The following IBTK variants were observed in gnomAD, a reference collection of about 807,000 sequenced individuals.
The protein encoded by IBTK is inhibitor of Bruton tyrosine kinase, also known as BTK-binding protein.
IBTK carries 83 observed loss-of-function variants against 154.9 expected under a neutral mutation model. The observed-to-expected ratio is 0.54, with a 90% confidence interval of 0.45 to 0.64. The LOEUF (loss-of-function observed/expected upper bound fraction) is 0.64. IBTK is among the 30% of genes least tolerant of loss of function. IBTK has a pLI of 0.00. For synonymous variants in IBTK, 515 were observed against 536.1 expected, an observed-to-expected ratio of 0.96 and a Z score of 0.54; for missense variants, 1,332 against 1,584.6, an observed-to-expected ratio of 0.84 and a Z score of 2.71.
Position 82,240,290 on chromosome 6 carries a change from C to A in IBTK, c.197G>T (p.Gly66Val). Residue 66 changes from glycine to valine, a missense_variant, in exon 2 of 29, where the codon GGA becomes GTA. Gly to Val is a moderately radical substitution (Grantham distance 109). Around this residue, in one of 3 missense-constraint regions of IBTK, gnomAD observed 84 missense variants for 96.2 expected, o/e 0.87. Transcript: ENST00000306270. ...TTTCTGAATAAGCCAATCTAACACT[C>A]CTTTCTTTCCACAGGAGGAAACAAG... ...LHLVSSCGKK[G>V]VLDWLIQKGV... is the part of the protein sequence containing the mutation. 2 of 1,614,230 alleles carry A rather than the reference C, an allele frequency of 1.2e-6. No homozygotes were observed. The highest frequency in any genetic ancestry group is 1.1e-5 in the South Asian group (1 of 91,090).
At position 82,224,077 on chromosome 6, in the gene IBTK, C is replaced by T; in HGVS notation, c.934G>A (p.Gly312Arg). ...EAVYTMGLNG[G>R]QLGCLLDPNG... is the part of the protein sequence containing the mutation. ...ATTAAGGATTTCTTACCCAGTTGTC[C>T]ACCATTTAGTCCCATAGTGTAAACA... The change falls in exon 7 of 29, where the codon GGA becomes AGA. Residue 312 changes from glycine to arginine, a missense_variant. Coordinates refer to ENST00000306270, the MANE Select transcript of IBTK (RefSeq NM_015525.4). 1 of 1,562,312 alleles carries T rather than the reference C, an allele frequency of 6.4e-7. No individual in the cohort carries two copies. The highest frequency in any genetic ancestry group is 8.8e-7 in the Non-Finnish European group (1 of 1,141,110).
Position 82,214,707 on chromosome 6 carries a change from AAG to A in IBTK, c.1722_1723del (p.Phe575ProfsTer4). 1 of 1,614,098 alleles carries A rather than the reference AAG, an allele frequency of 6.2e-7. No homozygotes were observed. The highest frequency in any genetic ancestry group is 8.5e-7 in the Non-Finnish European group (1 of 1,179,996). On this transcript the variant is annotated frameshift_variant, in exon 12 of 29. Transcript: ENST00000306270. LOFTEE classifies it high-confidence loss of function. The stretch of plus-strand genomic sequence containing the variant: ...TGCCAAAATATATTTATGTGCAGGG[AAG>A]AGTCTATTGCCAACTTGAAATGTCA...
At chr6:82,238,073 G>T (rs1388793776) in intron 2 of IBTK, among the ~76,000 whole-genome samples, 1 of 151,798 alleles carries the variant, frequency 6.6e-6, no homozygotes, top group Non-Finnish European at 1.5e-5. Context: ...GGGAAACCCC[G>T]TCTCTACTAA....
At chr6:82,194,343 G>A (rs894241637) in intron 23 of IBTK, 136 bp downstream of exon 23, 5 of 697,832 alleles carry the variant, frequency 7.2e-6, no homozygotes, top group African/African-American at 5.6e-5. Context: ...GCAATTTGTA[G>A]GTATTTAGGC....
At chr6:82,246,441 C>CTCTTTTTTTTTTTTTTTTTT (rs780889890) in intron 1 of IBTK, among the ~76,000 whole-genome samples, 4 of 111,678 alleles carry the variant, frequency 3.6e-5, no homozygotes, top group African/African-American at 1.0e-4. Context: ...TTACAGGCAT[C>CTCTTTTTTTTTTTTTTTTTT]TTTTTTTTTT....
In IBTK at chr6:82,187,827, G is replaced by GGAAAT. The variant is rs1768609389; in HGVS notation, c.3575+3245_3575+3246insATTTC. 4.6e-5 allele frequency among the ~76,000 whole-genome samples: 7 copies of GGAAAT among 152,200 alleles called. No individual in the cohort carries two copies. In the South Asian group the frequency reaches 1.5e-3, roughly 32 times the overall value. The stretch of plus-strand genomic sequence containing the variant: ...CATATTACTACATCTCCTTTACTCT[G>GGAAAT]GCAGAAGGAAAATTTGATTCAAAGT... On this transcript the variant is annotated intron_variant, in intron 25 of 28. Coordinates refer to ENST00000306270, the MANE Select transcript of IBTK (RefSeq NM_015525.4).
chr6:82,194,269 T>C (rs1405413747), intron 23 of IBTK, among the ~76,000 whole-genome samples: 1 of 152,162 alleles, frequency 6.6e-6, no homozygotes, highest in African/African-American at 2.4e-5. Context: ...TCACTGATGA[T>C]AATACAAAGG....
chr6:82,194,518 T>C lies in IBTK; in HGVS notation c.3299A>G (p.Asp1100Gly), dbSNP rs767705517. 10 of 1,603,458 alleles carry C rather than the reference T, an allele frequency of 6.2e-6. No homozygotes were observed. The highest frequency in any genetic ancestry group is 7.7e-6 in the Non-Finnish European group (9 of 1,174,588). Residue 1100 changes from aspartate to glycine, a missense_variant, in exon 23 of 29, where the codon GAT (aspartate) becomes GGT (glycine). Physicochemically the swap from Asp to Gly is moderately conservative, Grantham distance 94. Transcript: ENST00000306270. ...AACCCAACTGGCAGAGCTGGTAGTATCAATTCTGTTACTGGGAATAGGCTG... is the reference window on the plus strand; with the variant it reads ...AACCCAACTGGCAGAGCTGGTAGTACCAATTCTGTTACTGGGAATAGGCTG... ...APQPIPSNRIDTTSSASWVAG... is the reference protein window; with the variant it reads ...APQPIPSNRIGTTSSASWVAG...
rs1209587045 is a variant in IBTK at position 82,218,056 on chromosome 6, C to T, written c.1330G>A (p.Ala444Thr). 1.2e-6 allele frequency: 2 copies of T among 1,612,016 alleles called. No individual in the cohort carries two copies. The highest frequency in any genetic ancestry group is 1.7e-6 in the Non-Finnish European group (2 of 1,178,828). ...AATAGAATTTCATTTCTATTTAAAG[C>T]AATATCAGAAATGAAGACCTGACGT... ...YPRQVFISDI[A>T]LNRNEILFVT... Residue 444 changes from alanine (A) to threonine (T), a missense_variant, in exon 10 of 29, where the codon GCT becomes ACT. Coordinates refer to ENST00000306270, the MANE Select transcript of IBTK (RefSeq NM_015525.4).
chr6:82,190,434 G>A (rs866656943), intron 25 of IBTK, among the ~76,000 whole-genome samples: 1 of 152,098 alleles, frequency 6.6e-6, no homozygotes, highest in Non-Finnish European at 1.5e-5. Context: ...GATATTTTAA[G>A]TTACAAGAAA....
chr6:82,196,036 G>A (rs1768973263), intron 22 of IBTK, among the ~76,000 whole-genome samples: 1 of 152,026 alleles, frequency 6.6e-6, no homozygotes, highest in Admixed American at 6.6e-5. Flanking sequence ...CATGTCTATA[G>A]TGTTATTATA....
At chr6:82,172,320 A>T (rs1767950342) in intron 28 of IBTK, 60 bp downstream of exon 28, 1 of 1,525,914 alleles carries the variant, frequency 6.6e-7, no homozygotes, top group Admixed American at 2.0e-5. Flanking sequence ...GATTTTCTTA[A>T]AACCTAAGTA....
At chr6:82,182,061 T>C in intron 25 of IBTK, 33 bp from the exon 26 acceptor site, 2 of 1,574,998 alleles carry the variant, frequency 1.3e-6, no homozygotes, top group Middle Eastern at 1.7e-4. Context: ...TGTTAAAACA[T>C]CCATTTTGTA....
chr6:82,201,529 A>ACAGT, intron 18 of IBTK, 47 bp from the exon 19 acceptor site: 5 of 1,334,134 alleles, frequency 3.7e-6, no homozygotes, highest in Non-Finnish European at 5.3e-6. Context: ...AAGTGACTTG[A>ACAGT]TAACTGTCAA....
chr6:82,245,525 C>A (rs977302324), intron 1 of IBTK, among the ~76,000 whole-genome samples: 2 of 152,112 alleles, frequency 1.3e-5, no homozygotes, highest in East Asian at 3.9e-4. Flanking sequence ...CAACTGCACT[C>A]CAGCCTGAGC....
chr6:82,200,456 C>A, intron 20 of IBTK, 131 bp downstream of exon 20: 1 of 906,568 alleles, frequency 1.1e-6, no homozygotes. Flanking sequence ...TTTCTTATGT[C>A]AGAATTTCTC....
chr6:82,240,665 T>A lies in IBTK; in HGVS notation c.-179A>T. 1.9e-6 allele frequency: 1 copy of A among 528,890 alleles called. No homozygotes were observed. The highest frequency in any genetic ancestry group is 3.2e-6 in the Non-Finnish European group (1 of 308,352). The allele number at this position is 528,890 out of a possible 1,614,324, so 32.8% of individuals were successfully genotyped here. A position where few individuals can be genotyped will look rare whatever the true frequency, so the allele number is the denominator to read the frequency against. ...ATATCTTTATACAATTTTTTGGCAC[T>A]TAAATCAAAAAAATTATAAATAGCT... On this transcript the variant is annotated 5_prime_UTR_variant, in exon 2 of 29. The change creates a new upstream start codon in the 5' untranslated region. Transcript: ENST00000306270.
Position 82,235,129 on chromosome 6 carries a change from G to T in IBTK, c.322-874C>A, listed in dbSNP as rs549397039. Among the ~76,000 whole-genome samples the T allele has an allele frequency of 6.6e-5, 10 of 152,196 alleles. No individual in the cohort carries two copies. In the South Asian group the frequency reaches 1.5e-3, roughly 22 times the overall value. Reference sequence around the variant, plus strand: ...CCGCCTCAGCCTCCCAAAGTGCTGGGATTACAGGTGTGAGCCACCGTTCCC... The same window carrying T: ...CCGCCTCAGCCTCCCAAAGTGCTGGTATTACAGGTGTGAGCCACCGTTCCC... On this transcript the variant is annotated intron_variant, in intron 2 of 28. Transcript: ENST00000306270.
chr6:82,237,693 T>C (rs144682147), intron 2 of IBTK, among the ~76,000 whole-genome samples: 108 of 149,810 alleles, frequency 7.2e-4, no homozygotes, highest in African/African-American at 2.3e-3. Context: ...GTAGTAGTAG[T>C]AGCAGTAATA....
Sources: allele counts gnomAD v4.1 joint callset (sites outside exome capture counted in the v4.1 genomes callset), GRCh38; gene constraint gnomAD v4.1.1; regional missense constraint gnomAD v4.1.1; transcripts MANE v1.5; gene names NCBI Gene and HGNC (gene_info 2026-07-23, HGNC 2026-07-21).